CDK12: variants seen among roughly 807,000 people sequenced by gnomAD.
The protein encoded by CDK12 is cyclin dependent kinase 12.
In CDK12, 17 loss-of-function variants were observed where a neutral mutation model predicts 133.8. The ratio of observed to expected loss-of-function variants is 0.13; its 90% CI spans 0.09 to 0.19. The LOEUF is 0.19. Ranked by LOEUF, CDK12 falls within the 10% of genes least tolerant of loss-of-function variation. The pLI, the probability that CDK12 is intolerant of heterozygous loss-of-function variation, is 1.00. For missense variants in CDK12, 1,508 were observed against 1,818.7 expected (o/e 0.83, Z 3.11); for synonymous variants, 694 against 683.6 (o/e 1.02, Z -0.24).
intron 2 of CDK12, among the ~76,000 whole-genome samples, chr17:39,479,945 C>CA (rs2050506569): frequency 7.1e-6 from 1 of 140,264 alleles, no homozygotes; most frequent in African/African-American, 2.7e-5. Context: ...TTTTTTAAGA[C>CA]AGAGTTTTGC....
At chr17:39,499,829 A>G (rs2052592283) in intron 5 of CDK12, among the ~76,000 whole-genome samples, 2 of 152,060 alleles carry the variant, frequency 1.3e-5, no homozygotes, top group African/African-American at 4.8e-5. Context: ...TATGAATTTC[A>G]CTAATAATTT....
intron 1 of CDK12, among the ~76,000 whole-genome samples, chr17:39,541,634 C>T (rs929669914): frequency 2.6e-4 from 40 of 152,022 alleles, no homozygotes; most frequent in African/African-American, 9.4e-4. Context: ...GGATTACAGG[C>T]GTGAGCCACC....
intron 2 of CDK12, among the ~76,000 whole-genome samples, chr17:39,478,272 A>G (rs2050375411): frequency 6.6e-6 from 1 of 151,096 alleles, no homozygotes; most frequent in Admixed American, 6.6e-5. Flanking sequence ...GCTCACTGCA[A>G]CTTCTGCCTC....
chr17:39,552,581 A>G (rs953034279), intron 2 of CDK12, among the ~76,000 whole-genome samples: 2 of 152,200 alleles, frequency 1.3e-5, no homozygotes, highest in Non-Finnish European at 2.9e-5. Flanking sequence ...CCCTTTGTCC[A>G]TCCCTATTCC....
In CDK12 at chr17:39,520,629, G is replaced by T. The variant is rs552920909; in HGVS notation, c.3095+542G>T. On this transcript the variant is annotated intron_variant, in intron 11 of 13. Transcript: ENST00000447079. ...TGGTCTCGAACTCCTGACCTCAGGTGACCCACCCTGGCCTCCGAAAGTGCT... is the reference window on the plus strand; with the variant it reads ...TGGTCTCGAACTCCTGACCTCAGGTTACCCACCCTGGCCTCCGAAAGTGCT... Among the ~76,000 whole-genome samples the T allele has an allele frequency of 5.9e-5, 9 of 152,222 alleles. No individual in the cohort carries two copies. The South Asian group carries it at 1.9e-3, about 32-fold the overall frequency.
At chr17:39,482,011 T>C (rs1480792061) in intron 2 of CDK12, among the ~76,000 whole-genome samples, 1 of 129,016 alleles carries the variant, frequency 7.8e-6, no homozygotes, top group African/African-American at 2.8e-5. Context: ...TGAGCCTGGC[T>C]TGCCTTTTTT....
chr17:39,548,319 T>G (rs577819893), upstream of CDK12, among the ~76,000 whole-genome samples: 4 of 152,296 alleles, frequency 2.6e-5, no homozygotes, highest in Non-Finnish European at 5.9e-5. Flanking sequence ...CTCAATGTGC[T>G]TCCAGCTGAA....
chr17:39,522,787 T>C (rs2054262193), intron 11 of CDK12, among the ~76,000 whole-genome samples: 1 of 151,984 alleles, frequency 6.6e-6, no homozygotes, highest in Admixed American at 6.5e-5. Flanking sequence ...GCGCGGTCGC[T>C]CACACCTGTA....
chr17:39,524,789 A>G lies in CDK12; in HGVS notation c.3211A>G (p.Thr1071Ala). ...ATCCAAAACTTCTCGAAAAGAAACTACCTCAGGGACAAGTACTGAGCCTGT... is the reference window on the plus strand; with the variant it reads ...ATCCAAAACTTCTCGAAAAGAAACTGCCTCAGGGACAAGTACTGAGCCTGT... Reference protein sequence around the residue: ...PPSKTSRKETTSGTSTEPVKN... With the variant: ...PPSKTSRKETASGTSTEPVKN... Residue 1071 changes from threonine (T) to alanine (A), a missense_variant, in exon 12 of 14, where the codon ACC becomes GCC. Around this residue, in one of 9 missense-constraint regions of CDK12, gnomAD observed 399 missense variants for 469.6 expected, o/e 0.85. Coordinates refer to ENST00000447079, the MANE Select transcript of CDK12 (RefSeq NM_016507.4). 6.2e-7 allele frequency: 1 copy of G among 1,614,196 alleles called. No individual in the cohort carries two copies. Among genetic ancestry groups the G allele is most frequent in the South Asian group, 1.1e-5 (1 of 91,086 alleles).
rs367845839 is a variant in CDK12, at chr17:39,525,838, A to G, written c.3308-26A>G. On this transcript the variant is annotated intron_variant, in intron 12 of 13. Coordinates refer to ENST00000447079, the MANE Select transcript of CDK12 (RefSeq NM_016507.4). ...GGCCCTTGGCCTATCTCATCGTCTT[A>G]TATTGGCTTCACTGTCTTTCAACAG... 3,009 of 1,593,990 alleles carry G rather than the reference A, an allele frequency of 1.9e-3. 63 individuals are homozygous for G. In the South Asian group the frequency reaches 0.03, roughly 16 times the overall value.
intron 1 of CDK12, among the ~76,000 whole-genome samples, chr17:39,541,656 C>T (rs2055424994): frequency 1.3e-5 from 2 of 152,142 alleles, no homozygotes; most frequent in East Asian, 3.9e-4. Flanking sequence ...CATCCGGCCC[C>T]GAGTTTGGCT....
chr17:39,514,670 A>G (rs1484552866), intron 8 of CDK12, among the ~76,000 whole-genome samples: 1 of 152,200 alleles, frequency 6.6e-6, no homozygotes, highest in East Asian at 1.9e-4. Flanking sequence ...ATTTCAATGT[A>G]TGGAAAAGTT....
chr17:39,527,449 G>C (rs899294628), intron 13 of CDK12, among the ~76,000 whole-genome samples: 6 of 152,254 alleles, frequency 3.9e-5, no homozygotes, highest in African/African-American at 1.4e-4. Context: ...AACCAGAGAA[G>C]GTGACAGCCT....
intron 5 of CDK12, among the ~76,000 whole-genome samples, chr17:39,497,834 G>A (rs914999779): frequency 6.6e-6 from 1 of 151,862 alleles, no homozygotes; most frequent in African/African-American, 2.4e-5. Flanking sequence ...CTAACTCCTG[G>A]GCTCAAGCAG....
upstream of CDK12, among the ~76,000 whole-genome samples, chr17:39,545,936 C>T (rs757605328): frequency 1.8e-4 from 28 of 151,624 alleles, no homozygotes; most frequent in Non-Finnish European, 4.0e-4. Context: ...GCTGGAACTA[C>T]AGGCGCCCGC....
At chr17:39,498,449 C>A (rs1352612508) in intron 5 of CDK12, among the ~76,000 whole-genome samples, 1 of 152,130 alleles carries the variant, frequency 6.6e-6, no homozygotes, top group Non-Finnish European at 1.5e-5. Flanking sequence ...TTTCAAACTC[C>A]TGACCTCAAG....
rs180747537 is a variant in CDK12, at chr17:39,509,030, C to T, written c.2610-675C>T. Among the ~76,000 whole-genome samples, 40 of 146,388 alleles carry T rather than the reference C, an allele frequency of 2.7e-4. No individual in the cohort carries two copies. In the East Asian group the frequency reaches 4.8e-3, roughly 18 times the overall value. ...AAAAAAAAAAATCAGCAGAGTGAAACATGGTTGGGATCTCCTTGAAGTGAT... is the reference window on the plus strand; with the variant it reads ...AAAAAAAAAAATCAGCAGAGTGAAATATGGTTGGGATCTCCTTGAAGTGAT... On this transcript the variant is annotated intron_variant, in intron 6 of 13. Transcript: ENST00000447079.
rs577421446 is a variant in CDK12 at position 39,468,094 on chromosome 17, C to G, written c.1047-2785C>G. On this transcript the variant is annotated intron_variant, in intron 1 of 13. Transcript: ENST00000447079. ...TATTTTTAGTAGAGCTGGGATTTCA[C>G]CATATTGGTCAGGCTGGTCTCAAAC... is the stretch of plus-strand genomic sequence containing the variant. 2.1e-5 allele frequency among the ~76,000 whole-genome samples: 3 copies of G among 140,074 alleles called. No homozygotes were observed. The Admixed American group carries it at 2.2e-4, about 10-fold the overall frequency. The allele number at this position is 140,074 out of a possible 152,430, so 91.9% of individuals were successfully genotyped here.
At chr17:39,539,727 A>G (rs968788991) in intron 1 of CDK12, among the ~76,000 whole-genome samples, 2 of 152,212 alleles carry the variant, frequency 1.3e-5, no homozygotes, top group African/African-American at 2.4e-5. Context: ...ATATAAAACT[A>G]TTATAATAAG....
Sources: allele counts gnomAD v4.1 joint callset (sites outside exome capture counted in the v4.1 genomes callset), GRCh38; gene constraint gnomAD v4.1.1; regional missense constraint gnomAD v4.1.1; transcripts MANE v1.5; gene names NCBI Gene and HGNC (gene_info 2026-07-23, HGNC 2026-07-21).